Variants in ZNF366 observed in about 807,000 individuals in gnomAD.
ZNF366 encodes the protein dendritic cell-specific transcript protein.
ZNF366 carries 20 observed loss-of-function variants against 47.2 expected under a neutral mutation model. That is an observed-to-expected ratio of 0.42 (90% confidence interval 0.30 to 0.62). The LOEUF (loss-of-function observed/expected upper bound fraction) is 0.62. Ranked by LOEUF, ZNF366 falls within the 20% of genes least tolerant of loss-of-function variation. The pLI is 0.16. For synonymous variants in ZNF366, 421 were observed against 395.1 expected, an observed-to-expected ratio of 1.07 and a Z score of -0.78; for missense variants, 987 against 976.3, an observed-to-expected ratio of 1.01 and a Z score of -0.15.
At position 72,442,023 on chromosome 5, in the gene ZNF366, T is replaced by A. The variant is rs1742863026; in HGVS notation, c.*1733A>T. 1.4e-5 allele frequency: 2 copies of A among 138,190 alleles called. No individual in the cohort carries two copies. The highest frequency in any genetic ancestry group is 5.5e-5 in the African/African-American group (2 of 36,428). 8.6% of individuals were successfully genotyped at this position (138,190 alleles called of 1,614,324 possible). A position where few individuals can be genotyped will look rare whatever the true frequency, so the allele number is the denominator to read the frequency against. ...GGTTCAAGCATCTGGGAAGAAATAA[T>A]GAGTCACCATAGGCCAGTCATGCAT... On this transcript the variant is annotated 3_prime_UTR_variant, in exon 5 of 5. Transcript: ENST00000318442.
chr5:72,463,707 G>C (rs1743377645), intron 1 of ZNF366, among the ~76,000 whole-genome samples: 1 of 151,916 alleles, frequency 6.6e-6, no homozygotes, highest in African/African-American at 2.4e-5. Context: ...TGCGCTATCA[G>C]AAAGGACCAG....
At chr5:72,455,423 A>G (rs1743157814) in intron 3 of ZNF366, among the ~76,000 whole-genome samples, 1 of 152,154 alleles carries the variant, frequency 6.6e-6, no homozygotes, top group Non-Finnish European at 1.5e-5. Context: ...GCAGAGAGAA[A>G]AAACCTCCAT....
intron 1 of ZNF366, among the ~76,000 whole-genome samples, chr5:72,501,826 A>AT (rs1467531983): frequency 6.6e-6 from 1 of 152,246 alleles, no homozygotes; most frequent in Non-Finnish European, 1.5e-5. Flanking sequence ...AAAATGCAAC[A>AT]ACAGTCTTTT....
chr5:72,465,860 G>C (rs1264250136), intron 1 of ZNF366, among the ~76,000 whole-genome samples: 2 of 152,332 alleles, frequency 1.3e-5, no homozygotes, highest in East Asian at 1.9e-4. Flanking sequence ...AGCAGCTGTG[G>C]GAGAGTGAGT....
chr5:72,468,803 C>T (rs1743487389), intron 1 of ZNF366, among the ~76,000 whole-genome samples: 2 of 152,108 alleles, frequency 1.3e-5, no homozygotes. Context: ...TTATCTCTGT[C>T]CTCGTGACCC....
At chr5:72,471,253 A>G (rs1207916283) in intron 1 of ZNF366, among the ~76,000 whole-genome samples, 1 of 152,084 alleles carries the variant, frequency 6.6e-6, no homozygotes, top group Middle Eastern at 3.2e-3. Context: ...TTCTTGCTAT[A>G]TTTCTGCCTT....
At position 72,440,555 on chromosome 5, in the gene ZNF366, T is replaced by C. The variant is rs1465275721; in HGVS notation, c.*3201A>G. 1.3e-5 allele frequency: 2 copies of C among 152,228 alleles called. No homozygotes were observed. The highest frequency in any genetic ancestry group is 2.9e-5 in the Non-Finnish European group (2 of 68,032). The allele number at this position is 152,228 out of a possible 1,614,324, so 9.4% of individuals were successfully genotyped here. ...CTTGGAAGGCTTCATCCCTTAGTTC[T>C]CTGAGATGGCCCACATGGACTCTCC... On this transcript the variant is annotated 3_prime_UTR_variant, in exon 5 of 5. Transcript: ENST00000318442.
At chr5:72,486,349 C>A (rs1400299697) in intron 1 of ZNF366, among the ~76,000 whole-genome samples, 1 of 152,198 alleles carries the variant, frequency 6.6e-6, no homozygotes, top group African/African-American at 2.4e-5. Context: ...GGTGCTAGTT[C>A]AGGAGACTTG....
chr5:72,477,812 A>G (rs571137800), intron 1 of ZNF366, among the ~76,000 whole-genome samples: 22 of 152,300 alleles, frequency 1.4e-4, no homozygotes, highest in African/African-American at 4.8e-4. Context: ...TGGCAATGAA[A>G]GCAGCCAGAG....
rs1561201586 is a variant in ZNF366, at chr5:72,484,494, A to AT, written c.-15+22756_-15+22757insA. Among the ~76,000 whole-genome samples, 31 of 150,124 alleles carry AT rather than the reference A, an allele frequency of 2.1e-4. 1 individual carries two copies. The highest frequency in any genetic ancestry group is 7.3e-4 in the Admixed American group (11 of 15,170). ...GCGAGACTCCGTCTCAAAAAAAAAA[A>AT]AAATAATAATAATAATAATAATTTC... On this transcript the variant is annotated intron_variant, in intron 1 of 4. Transcript: ENST00000318442.
chr5:72,444,281 C>A lies in ZNF366; in HGVS notation c.1710G>T (p.Arg570Ser). The A allele has an allele frequency of 6.2e-7, 1 of 1,608,122 alleles. No homozygotes were observed. Residue 570 changes from arginine (R) to serine (S), a missense_variant, in exon 5 of 5, where the codon AGG becomes AGT. This residue lies in a region of ZNF366 where 285 missense variants were observed against 234.8 expected (regional missense o/e 1.21). Transcript: ENST00000318442. ...ERGLHSQGLG[R>S]GRIALAQTAG... is the part of the protein sequence containing the mutation. ...CTGTCTGTGCCAGGGCGATTCTCCC[C>A]CTTCCCAGACCTGCAAGAGCAGAGT...
intron 3 of ZNF366, among the ~76,000 whole-genome samples, chr5:72,453,593 A>T (rs1484646533): frequency 6.6e-6 from 1 of 152,278 alleles, no homozygotes; most frequent in African/African-American, 2.4e-5. Flanking sequence ...GAGATGGCTC[A>T]CGCCACCATG....
At chr5:72,502,793 C>G (rs1254089525) in intron 1 of ZNF366, among the ~76,000 whole-genome samples, 1 of 152,144 alleles carries the variant, frequency 6.6e-6, no homozygotes, top group Admixed American at 6.5e-5. Context: ...TACATGCTCA[C>G]TCTAAGATGC....
chr5:72,443,628 C>G lies in ZNF366; in HGVS notation c.*128G>C. On this transcript the variant is annotated 3_prime_UTR_variant, in exon 5 of 5. Transcript: ENST00000318442. ...GCTTTCCATTACCTACATCCCTGCT[C>G]ATTTAGTCTAAGCCATTTGTAGAGA... is the stretch of plus-strand genomic sequence containing the variant. 9.6e-7 allele frequency: 1 copy of G among 1,040,034 alleles called. No individual in the cohort carries two copies. The highest frequency in any genetic ancestry group is 1.7e-5 in the South Asian group (1 of 59,104). The allele number at this position is 1,040,034 out of a possible 1,614,324, so 64.4% of individuals were successfully genotyped here.
intron 1 of ZNF366, among the ~76,000 whole-genome samples, chr5:72,484,495 A>AAATAATAATAAT (rs60726077): frequency 4.1e-5 from 6 of 145,780 alleles, no homozygotes; most frequent in African/African-American, 1.5e-4. Flanking sequence ...AAAAAAAAAA[A>AAATAATAATAAT]AATAATAATA....
chr5:72,495,887 C>T (rs1744103130), intron 1 of ZNF366, among the ~76,000 whole-genome samples: 1 of 152,182 alleles, frequency 6.6e-6, no homozygotes, highest in Admixed American at 6.5e-5. Context: ...ACATCCCTGT[C>T]TTCCAGCCAT....
chr5:72,456,241 G>A (rs934789233), intron 3 of ZNF366, among the ~76,000 whole-genome samples, 163 bp downstream of exon 3: 10 of 152,194 alleles, frequency 6.6e-5, no homozygotes, highest in Non-Finnish European at 8.8e-5. Context: ...TAAGTGGGGC[G>A]TGCAGAGAGG....
At position 72,443,616 on chromosome 5, in the gene ZNF366, T is replaced by C. The variant is rs961951613; in HGVS notation, c.*140A>G. 44 of 932,490 alleles carry C rather than the reference T, an allele frequency of 4.7e-5. No homozygotes were observed. Among genetic ancestry groups the C allele is most frequent in the South Asian group, 3.9e-4 (22 of 56,392 alleles). The allele number at this position is 932,490 out of a possible 1,614,324, so 57.8% of individuals were successfully genotyped here. ...TGACCTGAGAAGGCTTTCCATTACC[T>C]ACATCCCTGCTCATTTAGTCTAAGC... On this transcript the variant is annotated 3_prime_UTR_variant, in exon 5 of 5. Coordinates refer to ENST00000318442, the MANE Select transcript of ZNF366 (RefSeq NM_152625.3).
At chr5:72,455,773 A>G (rs1164795324) in intron 3 of ZNF366, among the ~76,000 whole-genome samples, 2 of 152,228 alleles carry the variant, frequency 1.3e-5, no homozygotes, top group Non-Finnish European at 2.9e-5. Context: ...GCTACATGGC[A>G]CTTAGCAATA....
Sources: allele counts gnomAD v4.1 joint callset (sites outside exome capture counted in the v4.1 genomes callset), GRCh38; gene constraint gnomAD v4.1.1; regional missense constraint gnomAD v4.1.1; transcripts MANE v1.5; gene names NCBI Gene and HGNC (gene_info 2026-07-23, HGNC 2026-07-21).